Variants in EPM2A observed in about 807,000 individuals in gnomAD.
The protein encoded by EPM2A is laforin.
EPM2A carries 21 observed loss-of-function variants against 26.5 expected under a neutral mutation model. That is an observed-to-expected ratio of 0.79 (90% CI 0.56 to 1.14). EPM2A has a LOEUF of 1.14. Ranked by LOEUF, EPM2A falls within the 50% of genes most tolerant of loss-of-function variation. EPM2A has a pLI of 0.00. For missense variants in EPM2A, 458 were observed against 440.8 expected, an observed-to-expected ratio of 1.04 and a Z score of -0.35; for synonymous variants, 217 against 177.6, an observed-to-expected ratio of 1.22 and a Z score of -1.76.
intron 2 of EPM2A, chr6:145,636,687 G>C (rs1276700786): frequency 3.3e-5 from 5 of 152,096 alleles, no homozygotes; most frequent in African/African-American, 1.2e-4. Flanking sequence ...ACTTTGGATG[G>C]CTGAGGCGGG....
At chr6:145,494,312 G>C (rs1299491209) in intron 4 of EPM2A, among the ~76,000 whole-genome samples, 1 of 152,146 alleles carries the variant, frequency 6.6e-6, no homozygotes, top group Non-Finnish European at 1.5e-5. Flanking sequence ...TGGTATTTCT[G>C]TGGGTTCAGT....
downstream of EPM2A, among the ~76,000 whole-genome samples, chr6:145,621,883 T>C (rs1338612980): frequency 2.0e-5 from 3 of 152,232 alleles, no homozygotes; most frequent in African/African-American, 7.2e-5. Flanking sequence ...TATTCCATTG[T>C]GTAGGTTGCC....
Position 145,533,284 on chromosome 6 carries a change from C to T in EPM2A, c.341-30709G>A, listed in dbSNP as rs560883816. 3.3e-5 allele frequency among the ~76,000 whole-genome samples: 5 copies of T among 152,296 alleles called. 1 individual carries two copies. The South Asian group carries it at 1.0e-3, about 32-fold the overall frequency. On this transcript the variant is annotated intron_variant, in intron 2 of 3. Coordinates refer to the EPM2A transcript ENST00000450221. ...TCCTTCCTCTCCTCTGTAACTACCA[C>T]AGCCCAAGCTATTGCCATCTTTCAC... is the stretch of plus-strand genomic sequence containing the variant.
At chr6:145,732,590 AAATT>A (rs1776556188) in intron 1 of EPM2A, among the ~76,000 whole-genome samples, 1 of 152,168 alleles carries the variant, frequency 6.6e-6, no homozygotes, top group South Asian at 2.1e-4. Context: ...TCTGTTAAAA[AAATT>A]AATAACAAAT....
At chr6:145,573,636 T>C (rs970951532) in intron 2 of EPM2A, among the ~76,000 whole-genome samples, 1 of 152,214 alleles carries the variant, frequency 6.6e-6, no homozygotes, top group East Asian at 1.9e-4. Context: ...CGATTTACTA[T>C]TTTTTCTAGG....
chr6:145,540,068 G>T (rs1354640404), intron 2 of EPM2A, among the ~76,000 whole-genome samples: 2 of 152,112 alleles, frequency 1.3e-5, no homozygotes, highest in African/African-American at 4.8e-5. Flanking sequence ...AAAGGCTCTT[G>T]CCTAAAGTGA....
chr6:145,598,017 T>C (rs1224657568), intron 2 of EPM2A, among the ~76,000 whole-genome samples: 2 of 152,198 alleles, frequency 1.3e-5, no homozygotes, highest in Non-Finnish European at 1.5e-5. Flanking sequence ...CTATTGCAAA[T>C]AGTGCTGCAA....
chr6:145,387,659 A>C (rs748856826), intron 4 of EPM2A, among the ~76,000 whole-genome samples: 5 of 152,196 alleles, frequency 3.3e-5, no homozygotes, highest in Non-Finnish European at 5.9e-5. Flanking sequence ...AGACCTAAGA[A>C]AGACATTTGC....
intron 1 of EPM2A, among the ~76,000 whole-genome samples, chr6:145,729,802 G>A (rs958686193): frequency 6.6e-6 from 1 of 152,142 alleles, no homozygotes; most frequent in South Asian, 2.1e-4. Context: ...AGTGTGAGAA[G>A]GACAGGAGAT....
intron 2 of EPM2A, among the ~76,000 whole-genome samples, chr6:145,608,891 C>T (rs1429442474): frequency 1.3e-5 from 2 of 152,132 alleles, no homozygotes; most frequent in African/African-American, 4.8e-5. Context: ...AAATAGGCAA[C>T]AAATTATATC....
At chr6:145,512,302 G>A (rs1007796054) in intron 2 of EPM2A, among the ~76,000 whole-genome samples, 1 of 152,088 alleles carries the variant, frequency 6.6e-6, no homozygotes, top group Non-Finnish European at 1.5e-5. Context: ...GTACGCCTAA[G>A]CATAAAGAAC....
rs373523776 is a variant in EPM2A at position 145,711,486 on chromosome 6, C to A, written c.301+23712G>T. ...TTATAGGACTCCCAGATGTAAAAGTCTTGTAGACAAGAGGATATACAGGTC... is the reference window on the plus strand; with the variant it reads ...TTATAGGACTCCCAGATGTAAAAGTATTGTAGACAAGAGGATATACAGGTC... On this transcript the variant is annotated intron_variant, in intron 1 of 3. Coordinates refer to ENST00000367519, the MANE Select transcript of EPM2A (RefSeq NM_005670.4). Among the ~76,000 whole-genome samples, 7 of 152,154 alleles carry A rather than the reference C, an allele frequency of 4.6e-5. No individual in the cohort carries two copies. The East Asian group carries it at 1.2e-3, about 25-fold the overall frequency.
chr6:145,429,216 T>C (rs558390647), intron 4 of EPM2A, among the ~76,000 whole-genome samples: 2 of 152,338 alleles, frequency 1.3e-5, no homozygotes, highest in Non-Finnish European at 2.9e-5. Flanking sequence ...CCTAGAATAC[T>C]GTTCACCTTA....
intron 4 of EPM2A, among the ~76,000 whole-genome samples, chr6:145,493,687 T>C (rs1445584328): frequency 2.0e-5 from 3 of 152,224 alleles, no homozygotes; most frequent in African/African-American, 7.2e-5. Flanking sequence ...ATTGAGAGCT[T>C]TTAACATGAA....
rs184450218 is a variant in EPM2A at position 145,599,019 on chromosome 6, C to T, written c.340+36226G>A. ...TTTTGGTTACTGTAGCCCTGTAGTA[C>T]AGTCTGAAGTCAGGTAACATGATGT... On this transcript the variant is annotated intron_variant, in intron 2 of 3. Transcript: ENST00000450221. Among the ~76,000 whole-genome samples the T allele has an allele frequency of 9.2e-5, 14 of 152,174 alleles. No homozygotes were observed. In the East Asian group the frequency reaches 2.7e-3, roughly 29 times the overall value.
At chr6:145,712,115 AG>A (rs1345063669) in intron 1 of EPM2A, among the ~76,000 whole-genome samples, 1 of 152,176 alleles carries the variant, frequency 6.6e-6, no homozygotes, top group Non-Finnish European at 1.5e-5. Context: ...AAGCATCAAA[AG>A]TTTATGAAGA....
intron 4 of EPM2A, among the ~76,000 whole-genome samples, chr6:145,429,877 A>G (rs548892016): frequency 4.6e-5 from 7 of 152,324 alleles, no homozygotes; most frequent in African/African-American, 1.7e-4. Flanking sequence ...TGTGACTAGT[A>G]GAATTCTTCT....
intron 2 of EPM2A, among the ~76,000 whole-genome samples, chr6:145,513,035 C>T (rs1183296522): frequency 6.6e-6 from 1 of 152,032 alleles, no homozygotes; most frequent in African/African-American, 2.4e-5. Flanking sequence ...CAAAAGCAGA[C>T]ACAACAAAAC....
downstream of EPM2A, among the ~76,000 whole-genome samples, chr6:145,499,441 A>G (rs1029820550): frequency 6.6e-6 from 1 of 152,216 alleles, no homozygotes; most frequent in Non-Finnish European, 1.5e-5. Context: ...TACTTCTTAT[A>G]CTTTCAAATC....
Sources: gnomAD v4.1 joint callset for allele counts (sites outside exome capture counted in the v4.1 genomes callset) on GRCh38, gnomAD v4.1.1 for gene constraint, MANE v1.5 for transcripts, NCBI Gene and HGNC (gene_info 2026-07-23, HGNC 2026-07-21) for gene names.